Variants in CLIP1 observed in about 807,000 individuals in gnomAD.
CLIP1 encodes the protein CAP-Gly domain-containing linker protein 1.
CLIP1 carries 66 observed loss-of-function variants against 161.6 expected under a neutral mutation model. The ratio of observed to expected loss-of-function variants is 0.41; its 90% CI spans 0.33 to 0.50. The LOEUF is 0.50. CLIP1 is among the 20% of genes least tolerant of loss of function. The pLI is 0.27. For missense variants in CLIP1, 1,376 were observed against 1,702.0 expected, an observed-to-expected ratio of 0.81 and a Z score of 3.37; for synonymous variants, 598 against 626.2, an observed-to-expected ratio of 0.96 and a Z score of 0.67.
intron 3 of CLIP1, among the ~76,000 whole-genome samples, chr12:122,376,161 C>A (rs1954718787): frequency 6.6e-6 from 1 of 152,074 alleles, no homozygotes; most frequent in African/African-American, 2.4e-5. Context: ...TGGTCTTGAA[C>A]TCCTGACCTC....
intron 13 of CLIP1, among the ~76,000 whole-genome samples, 170 bp downstream of exon 13, chr12:122,334,478 T>C (rs910121453): frequency 1.3e-5 from 2 of 152,226 alleles, no homozygotes; most frequent in Non-Finnish European, 2.9e-5. Context: ...AATTGGGAGT[T>C]TGAGGCTTCA....
intron 20 of CLIP1, among the ~76,000 whole-genome samples, chr12:122,290,050 A>C (rs999310260): frequency 1.3e-5 from 2 of 152,172 alleles, no homozygotes; most frequent in Admixed American, 1.3e-4. Context: ...AAAAGGGTCA[A>C]AAAGCTCTTA....
chr12:122,329,689 G>A (rs10773075), intron 15 of CLIP1, among the ~76,000 whole-genome samples: 119,369 of 151,864 alleles, frequency 0.79, 47,273 homozygotes, highest in African/African-American at 0.86. Context: ...GGAAATGAAT[G>A]TTTCAAAATT....
intron 1 of CLIP1, among the ~76,000 whole-genome samples, chr12:122,403,499 G>GTTTTTTT (rs11302150): frequency 1.4e-5 from 1 of 72,300 alleles, no homozygotes; most frequent in African/African-American, 4.5e-5. Flanking sequence ...TTCTTGTTTT[G>GTTTTTTT]TTTTTTTTTT....
chr12:122,363,992 G>A lies in CLIP1; in HGVS notation c.773C>T (p.Ala258Val). 6.2e-7 allele frequency: 1 copy of A among 1,614,094 alleles called. No individual in the cohort carries two copies. The change falls in exon 4 of 26, where the codon GCT becomes GTT. Residue 258 changes from alanine (A) to valine (V), a missense_variant. Around this residue, in one of 6 missense-constraint regions of CLIP1, gnomAD observed 211 missense variants for 295.1 expected, o/e 0.72. Coordinates refer to ENST00000620786, the MANE Select transcript of CLIP1 (RefSeq NM_001247997.2). ...EPLGKNDGAV[A>V]GTRYFQCQPK... ...ACAACGCCAAACAAACCTTGTTCCA[G>A]CAACAGCGCCATCATTCTTCCCAAG...
At chr12:122,419,059 G>A (rs2137236648) in intron 1 of CLIP1, among the ~76,000 whole-genome samples, 1 of 152,118 alleles carries the variant, frequency 6.6e-6, no homozygotes, top group Middle Eastern at 3.4e-3. Flanking sequence ...TGACATTTAT[G>A]AACCTTATAT....
intron 20 of CLIP1, among the ~76,000 whole-genome samples, chr12:122,303,856 C>A (rs1043883016): frequency 7.9e-5 from 12 of 152,174 alleles, no homozygotes; most frequent in African/African-American, 2.9e-4. Context: ...TTGTCCTCCC[C>A]CTGATTCCAT....
intron 20 of CLIP1, among the ~76,000 whole-genome samples, chr12:122,298,596 CAAAAAAA>C (rs58917162): frequency 4.8e-5 from 3 of 62,080 alleles, no homozygotes; most frequent in Non-Finnish European, 1.1e-4. Flanking sequence ...CACTCTGTCT[CAAAAAAA>C]AAAAAAAAAA....
At chr12:122,330,600 T>G (rs1951905737) in intron 15 of CLIP1, among the ~76,000 whole-genome samples, 1 of 135,864 alleles carries the variant, frequency 7.4e-6, no homozygotes, top group South Asian at 2.5e-4. Flanking sequence ...TAATGCAGTT[T>G]TTTTTTTTTT....
At chr12:122,330,536 AATAAAGACAAAAACAG>A (rs1288256871) in intron 15 of CLIP1, among the ~76,000 whole-genome samples, 1 of 152,116 alleles carries the variant, frequency 6.6e-6, no homozygotes, top group Non-Finnish European at 1.5e-5. Context: ...AGAATTCCAG[AATAAAGACAAAAACAG>A]ATATTAAGAT....
At chr12:122,379,627 A>G (rs1408031002) in intron 2 of CLIP1, among the ~76,000 whole-genome samples, 1 of 151,420 alleles carries the variant, frequency 6.6e-6, no homozygotes, top group African/African-American at 2.4e-5. Context: ...CTCTCCACAT[A>G]TAAAATTTTA....
In CLIP1 at chr12:122,293,002, CAAAAA is replaced by C. The variant is rs57326141; in HGVS notation, c.3595-4466_3595-4462del. On this transcript the variant is annotated intron_variant, in intron 20 of 25. Transcript: ENST00000620786. ...TGGGCAAAAGAGCAAGACTCTGTCT[CAAAAA>C]AAAAAAAAAAAAAAAGGCAAAGAAA... 4.5e-3 allele frequency among the ~76,000 whole-genome samples: 198 copies of C among 43,584 alleles called. 6 individuals are homozygous for C. Among genetic ancestry groups the C allele is most frequent in the African/African-American group, 0.021 (187 of 8,828 alleles). The allele number at this position is 43,584 out of a possible 152,430, so 28.6% of individuals were successfully genotyped here.
At chr12:122,371,058 C>A (rs1471372733) in intron 3 of CLIP1, among the ~76,000 whole-genome samples, 1 of 152,018 alleles carries the variant, frequency 6.6e-6, no homozygotes, top group Non-Finnish European at 1.5e-5. Flanking sequence ...ATATGGCACC[C>A]ACTTGACCAA....
At chr12:122,316,458 C>A (rs1331554665) in intron 19 of CLIP1, among the ~76,000 whole-genome samples, 1 of 152,156 alleles carries the variant, frequency 6.6e-6, no homozygotes, top group Non-Finnish European at 1.5e-5. Context: ...GATCTACCCA[C>A]CTCAGCCTCC....
At chr12:122,405,696 G>C (rs986519609) in intron 1 of CLIP1, among the ~76,000 whole-genome samples, 3 of 151,724 alleles carry the variant, frequency 2.0e-5, no homozygotes, top group Non-Finnish European at 4.4e-5. Context: ...GCTGAGACAA[G>C]AGAATCACTT....
chr12:122,337,790 C>T (rs897524609), intron 11 of CLIP1, among the ~76,000 whole-genome samples: 1 of 151,880 alleles, frequency 6.6e-6, no homozygotes, highest in Admixed American at 6.6e-5. Flanking sequence ...CAGAGGTGGG[C>T]GGATCACGAA....
intron 5 of CLIP1, chr12:122,360,672 C>T (rs892402561): frequency 5.1e-5 from 14 of 272,518 alleles, no homozygotes; most frequent in Non-Finnish European, 9.5e-5. Context: ...AATTTGACCC[C>T]TGTGTTAGAC....
chr12:122,407,440 G>A (rs1956363600), intron 1 of CLIP1, among the ~76,000 whole-genome samples: 1 of 152,058 alleles, frequency 6.6e-6, no homozygotes, highest in African/African-American at 2.4e-5. Flanking sequence ...CAGCCAAGGT[G>A]GTTCACACCT....
intron 1 of CLIP1, among the ~76,000 whole-genome samples, chr12:122,390,301 T>TAC (rs71082980): frequency 7.5e-6 from 1 of 132,886 alleles, no homozygotes; most frequent in Non-Finnish European, 1.6e-5. Flanking sequence ...TATATATATA[T>TAC]ATGTATATAT....
Sources: allele counts gnomAD v4.1 joint callset (sites outside exome capture counted in the v4.1 genomes callset), GRCh38; gene constraint gnomAD v4.1.1; regional missense constraint gnomAD v4.1.1; transcripts MANE v1.5; gene names NCBI Gene and HGNC (gene_info 2026-07-23, HGNC 2026-07-21).